The following MEIS1 variants were observed in gnomAD, a reference collection of about 807,000 sequenced individuals.
The protein encoded by MEIS1 is homeobox protein Meis1.
In MEIS1, 5 loss-of-function variants were observed where a neutral mutation model predicts 50.8. That is an observed-to-expected ratio of 0.10 (90% CI 0.05 to 0.21). MEIS1 has a LOEUF of 0.21. Ranked by LOEUF, MEIS1 falls within the 10% of genes least tolerant of loss-of-function variation. The pLI, the probability that MEIS1 is intolerant of heterozygous loss-of-function variation, is 1.00. For synonymous variants in MEIS1, 176 were observed against 179.3 expected (o/e 0.98, Z 0.15); for missense variants, 318 against 517.3 (o/e 0.61, Z 3.74).
intron 6 of MEIS1, among the ~76,000 whole-genome samples, chr2:66,458,207 G>A (rs117257966): frequency 1.3e-5 from 2 of 152,260 alleles, no homozygotes; most frequent in East Asian, 1.9e-4. Context: ...ATACTGATGT[G>A]GTGAATGACT....
intron 6 of MEIS1, among the ~76,000 whole-genome samples, chr2:66,460,739 T>TTTGTTG (rs533926214): frequency 3.0e-4 from 45 of 151,844 alleles, no homozygotes; most frequent in African/African-American, 8.5e-4. Context: ...CAACAACTTC[T>TTTGTTG]TTGTTGTTGT....
At chr2:66,526,388 ATGGCAGGCCGGGCC>A (rs1291019363) in intron 8 of MEIS1, among the ~76,000 whole-genome samples, 3 of 152,144 alleles carry the variant, frequency 2.0e-5, no homozygotes, top group African/African-American at 7.2e-5. Flanking sequence ...CAAGTCACCC[ATGGCAGGCCGGGCC>A]TGGCCTGCTG....
At position 66,435,607 on chromosome 2, in the gene MEIS1, T is replaced by A. The variant is rs1222807267; in HGVS notation, c.-250T>A. 2.4e-6 allele frequency: 1 copy of A among 408,628 alleles called. No homozygotes were observed. The highest frequency in any genetic ancestry group is 4.4e-5 in the Admixed American group (1 of 22,832). 25.3% of individuals were successfully genotyped at this position (408,628 alleles called of 1,614,324 possible). A position where few individuals can be genotyped will look rare whatever the true frequency, so the allele number is the denominator to read the frequency against. ...TTGGGGGAGAGAAGATCTGCTTTTT[T>A]TTGCCCCCGCTGCTGTCTTGGAAAC... On this transcript the variant is annotated 5_prime_UTR_variant, in exon 1 of 13. Coordinates refer to ENST00000272369, the MANE Select transcript of MEIS1 (RefSeq NM_002398.3).
intron 7 of MEIS1, among the ~76,000 whole-genome samples, chr2:66,482,514 G>C (rs1205352512): frequency 1.3e-5 from 2 of 152,194 alleles, no homozygotes; most frequent in Non-Finnish European, 2.9e-5. Context: ...GTGTCTACCA[G>C]TTCTCTCTCT....
chr2:66,512,086 A>G, intron 7 of MEIS1, 63 bp from the exon 8 acceptor site: 2 of 1,470,600 alleles, frequency 1.4e-6, no homozygotes, highest in Non-Finnish European at 9.0e-7. Context: ...ATCCAAAGGC[A>G]TTCTATTTGA....
chr2:66,561,467 TATC>T (rs201646137), intron 9 of MEIS1, among the ~76,000 whole-genome samples: 3,118 of 152,308 alleles, frequency 0.02, 50 homozygotes, highest in South Asian at 0.058. Context: ...ATATATCAAT[TATC>T]ATCTGTGCAT....
At chr2:66,534,144 G>A (rs1385584980) in intron 8 of MEIS1, among the ~76,000 whole-genome samples, 1 of 149,850 alleles carries the variant, frequency 6.7e-6, no homozygotes. Flanking sequence ...GCAAGGCTTG[G>A]AGATCTGAAA....
At chr2:66,441,628 A>C in intron 5 of MEIS1, 164 bp downstream of exon 5, 1 of 593,160 alleles carries the variant, frequency 1.7e-6, no homozygotes, top group Non-Finnish European at 2.8e-6. Flanking sequence ...TTCTCTTCGC[A>C]GTTTAATTAC....
chr2:66,439,392 C>G (rs1446441487), intron 2 of MEIS1: 48 of 1,262,758 alleles, frequency 3.8e-5, no homozygotes, highest in Non-Finnish European at 4.7e-5. Context: ...CGAGATCCCC[C>G]GAGCCTGGGC....
chr2:66,565,980 G>A (rs1478726169), intron 9 of MEIS1, among the ~76,000 whole-genome samples: 1 of 152,102 alleles, frequency 6.6e-6, no homozygotes, highest in Non-Finnish European at 1.5e-5. Context: ...TAATGAGAAT[G>A]GAGAATTAAT....
chr2:66,507,177 T>A (rs1224610905), intron 7 of MEIS1, among the ~76,000 whole-genome samples: 6 of 152,206 alleles, frequency 3.9e-5, no homozygotes, highest in Non-Finnish European at 8.8e-5. Context: ...AATGGACCAT[T>A]TGGAAAACTT....
chr2:66,507,241 G>A lies in MEIS1; in HGVS notation c.743-4908G>A, dbSNP rs531835033. Among the ~76,000 whole-genome samples the A allele has an allele frequency of 2.6e-5, 4 of 152,288 alleles. No homozygotes were observed. In the East Asian group the frequency reaches 7.7e-4, roughly 29 times the overall value. On this transcript the variant is annotated intron_variant, in intron 7 of 12. Transcript: ENST00000272369. ...CAAGAGATACAACTATAAATGGCCTGATTTTTGAGTCTAGGTACGTTTTGG... is the reference window on the plus strand; with the variant it reads ...CAAGAGATACAACTATAAATGGCCTAATTTTTGAGTCTAGGTACGTTTTGG...
chr2:66,437,724 G>A lies in MEIS1; in HGVS notation c.13-13G>A, dbSNP rs1385020340. The A allele has an allele frequency of 6.2e-7, 1 of 1,613,274 alleles. No homozygotes were observed. Among genetic ancestry groups the A allele is most frequent in the Admixed American group, 1.7e-5 (1 of 59,990 alleles). ...GCCTCCTGAACCTTCTTTCTCTCCT[G>A]TTTGTCATGCAGTACGACGATCTAC... On this transcript the variant is annotated splice_polypyrimidine_tract_variant and intron_variant, in intron 1 of 12. Coordinates refer to ENST00000272369, the MANE Select transcript of MEIS1 (RefSeq NM_002398.3).
chr2:66,521,655 G>A (rs1009282129), intron 8 of MEIS1, among the ~76,000 whole-genome samples: 2 of 152,180 alleles, frequency 1.3e-5, no homozygotes, highest in African/African-American at 4.8e-5. Context: ...TGGCATTTTA[G>A]TAGGCAGTGA....
rs1673847167 is a variant in MEIS1, at chr2:66,512,132, A to T, written c.743-17A>T. On this transcript the variant is annotated splice_polypyrimidine_tract_variant and intron_variant, in intron 7 of 12. Coordinates refer to ENST00000272369, the MANE Select transcript of MEIS1 (RefSeq NM_002398.3). Reference sequence around the variant, plus strand: ...TCAAGGTAGCATCAGTCAAAATTTGATTCGCTATGTTTGCAGGTGATGGCT... The same window carrying T: ...TCAAGGTAGCATCAGTCAAAATTTGTTTCGCTATGTTTGCAGGTGATGGCT... 3.2e-6 allele frequency: 5 copies of T among 1,541,060 alleles called. No homozygotes were observed. The South Asian group carries it at 6.4e-5, about 20-fold the overall frequency.
At chr2:66,551,726 C>T (rs954303777) in intron 9 of MEIS1, among the ~76,000 whole-genome samples, 1 of 151,638 alleles carries the variant, frequency 6.6e-6, no homozygotes, top group Non-Finnish European at 1.5e-5. Flanking sequence ...TTGTGGTTGA[C>T]TTAGATTTAA....
intron 9 of MEIS1, among the ~76,000 whole-genome samples, chr2:66,558,941 A>G (rs1466683860): frequency 6.6e-6 from 1 of 152,182 alleles, no homozygotes; most frequent in Admixed American, 6.5e-5. Context: ...CAGGAGTTTG[A>G]GACCAGCCTG....
chr2:66,505,380 T>G (rs897908983), intron 7 of MEIS1, among the ~76,000 whole-genome samples: 1 of 152,066 alleles, frequency 6.6e-6, no homozygotes, highest in Non-Finnish European at 1.5e-5. Context: ...CAGTACAGTA[T>G]GGGTAACAGA....
chr2:66,563,868 G>A (rs1402234377), intron 9 of MEIS1, among the ~76,000 whole-genome samples: 2 of 152,122 alleles, frequency 1.3e-5, no homozygotes, highest in African/African-American at 4.8e-5. Context: ...AAAATAGTCT[G>A]GGATAATGAT....
Sources: allele counts gnomAD v4.1 joint callset (sites outside exome capture counted in the v4.1 genomes callset), GRCh38; gene constraint gnomAD v4.1.1; transcripts MANE v1.5; gene names NCBI Gene and HGNC (gene_info 2026-07-23, HGNC 2026-07-21).